The following ARHGAP26 variants were observed in gnomAD, a reference collection of about 807,000 sequenced individuals.
The protein encoded by ARHGAP26 is Rho GTPase activating protein 26.
Under a neutral mutation model 104.8 loss-of-function variants are expected in ARHGAP26, and 38 were observed. That is an observed-to-expected ratio of 0.36 (90% CI 0.28 to 0.48). The LOEUF (loss-of-function observed/expected upper bound fraction) is 0.48. Ranked by LOEUF, ARHGAP26 falls within the 20% of genes least tolerant of loss-of-function variation. The pLI is 0.99. For missense variants in ARHGAP26, 704 were observed against 947.9 expected, an observed-to-expected ratio of 0.74 and a Z score of 3.38; for synonymous variants, 341 against 340.0, an observed-to-expected ratio of 1.00 and a Z score of -0.03.
At chr5:143,132,851 G>C (rs1173273667) in intron 18 of ARHGAP26, among the ~76,000 whole-genome samples, 1 of 138,694 alleles carries the variant, frequency 7.2e-6, no homozygotes, top group African/African-American at 3.0e-5. Flanking sequence ...ATTTAAAAAG[G>C]AATCTGGGGT....
At chr5:142,985,345 TTAGTG>T (rs1314995350) in intron 11 of ARHGAP26, among the ~76,000 whole-genome samples, 1 of 152,158 alleles carries the variant, frequency 6.6e-6, no homozygotes, top group Non-Finnish European at 1.5e-5. Flanking sequence ...TTAAATAACT[TTAGTG>T]TAGCCTAAGT....
chr5:142,933,316 C>T (rs1764979386), intron 11 of ARHGAP26, among the ~76,000 whole-genome samples: 1 of 152,154 alleles, frequency 6.6e-6, no homozygotes. Flanking sequence ...CATCTCTTAA[C>T]CTGTTTATTT....
intron 20 of ARHGAP26, among the ~76,000 whole-genome samples, chr5:143,156,452 C>G (rs972083540): frequency 9.2e-5 from 14 of 152,306 alleles, no homozygotes; most frequent in African/African-American, 3.4e-4. Context: ...GTCCTGGGAC[C>G]AGCATCATTG....
rs1435973632 is a variant in ARHGAP26, at chr5:143,228,153, C to T, written c.*5707C>T. On this transcript the variant is annotated 3_prime_UTR_variant, in exon 23 of 23. Transcript: ENST00000645722. ...CATTTCTACAAAGTTGTCCAGACAC[C>T]TAAAAGCAGCTTTCTTGGTTATCCA... 1 of 225,834 alleles carries T rather than the reference C, an allele frequency of 4.4e-6. No homozygotes were observed. The highest frequency in any genetic ancestry group is 8.8e-6 in the Non-Finnish European group (1 of 113,550). The allele number at this position is 225,834 out of a possible 1,614,324, so 14.0% of individuals were successfully genotyped here.
intron 17 of ARHGAP26, among the ~76,000 whole-genome samples, chr5:143,101,812 G>A (rs774506291): frequency 1.3e-5 from 2 of 151,794 alleles, no homozygotes; most frequent in Non-Finnish European, 1.5e-5. Context: ...GACAAGATAG[G>A]GAGAGAAGCT....
intron 3 of ARHGAP26, among the ~76,000 whole-genome samples, chr5:142,876,143 C>T (rs1430694443): frequency 6.6e-6 from 1 of 152,158 alleles, no homozygotes; most frequent in Non-Finnish European, 1.5e-5. Context: ...GGAATGAAGT[C>T]CCCTGCTGAC....
chr5:142,858,061 C>CTGTGTGTGTGTGTG (rs746146391), intron 1 of ARHGAP26, among the ~76,000 whole-genome samples: 2,739 of 134,288 alleles, frequency 0.02, 35 homozygotes, highest in Admixed American at 0.037. Flanking sequence ...GAGAGAGAAT[C>CTGTGTGTGTGTGTG]TGTGTGTGTG....
At chr5:142,836,732 ATGT>A (rs1314559344) in intron 1 of ARHGAP26, among the ~76,000 whole-genome samples, 2 of 152,238 alleles carry the variant, frequency 1.3e-5, no homozygotes, top group African/African-American at 4.8e-5. Flanking sequence ...TTTATGGTTC[ATGT>A]TGTTATTGCC....
chr5:142,805,064 A>G (rs1173635083), intron 1 of ARHGAP26, among the ~76,000 whole-genome samples: 2 of 150,972 alleles, frequency 1.3e-5, no homozygotes, highest in East Asian at 1.9e-4. Context: ...TCATGTGGCT[A>G]TACCACATTT....
intron 1 of ARHGAP26, among the ~76,000 whole-genome samples, chr5:142,824,791 A>T (rs903755274): frequency 6.6e-6 from 1 of 152,220 alleles, no homozygotes. Context: ...AAGCCTTATT[A>T]ATGGGCAGGG....
rs1264296601 is a variant in ARHGAP26, at chr5:143,224,268, A to T, written c.*1822A>T. On this transcript the variant is annotated 3_prime_UTR_variant, in exon 23 of 23. Transcript: ENST00000645722. ...GGAGAGAGGGGAGGCAAAGCTGAAGAGAGTCAAGGTCACTGTCCCCGCTTC... is the reference window on the plus strand; with the variant it reads ...GGAGAGAGGGGAGGCAAAGCTGAAGTGAGTCAAGGTCACTGTCCCCGCTTC... 1.7e-5 allele frequency: 4 copies of T among 232,142 alleles called. No individual in the cohort carries two copies. Among genetic ancestry groups the T allele is most frequent in the Admixed American group, 1.1e-4 (2 of 17,726 alleles). 14.4% of individuals were successfully genotyped at this position (232,142 alleles called of 1,614,324 possible).
intron 7 of ARHGAP26, 46 bp from the exon 8 acceptor site, chr5:142,903,494 C>G: frequency 6.3e-7 from 1 of 1,594,508 alleles, no homozygotes; most frequent in Non-Finnish European, 8.6e-7. Flanking sequence ...ATTGTTAAAA[C>G]AGATACTTTG....
intron 1 of ARHGAP26, among the ~76,000 whole-genome samples, chr5:142,865,571 G>A (rs758788320): frequency 5.3e-5 from 8 of 150,366 alleles, no homozygotes; most frequent in African/African-American, 1.7e-4. Context: ...CAAGTTGAGA[G>A]GTGTTGCCTG....
chr5:143,005,542 A>G (rs1777825659), intron 11 of ARHGAP26, among the ~76,000 whole-genome samples: 1 of 152,232 alleles, frequency 6.6e-6, no homozygotes, highest in African/African-American at 2.4e-5. Context: ...TGGCTCCCCA[A>G]GGAAAATGAG....
At chr5:142,884,797 A>G (rs116678487) in intron 4 of ARHGAP26, among the ~76,000 whole-genome samples, 1 of 152,336 alleles carries the variant, frequency 6.6e-6, no homozygotes, top group African/African-American at 2.4e-5. Flanking sequence ...ATGTGATATT[A>G]AGTGTCAAGA....
At chr5:142,954,139 G>C in intron 11 of ARHGAP26, among the ~76,000 whole-genome samples, 1 of 152,210 alleles carries the variant, frequency 6.6e-6, no homozygotes, top group East Asian at 1.9e-4. Flanking sequence ...CCCAGACTTT[G>C]GGGGCTGTTG....
intron 12 of ARHGAP26, among the ~76,000 whole-genome samples, chr5:143,032,740 A>T (rs992423630): frequency 2.4e-4 from 37 of 152,236 alleles, no homozygotes; most frequent in Admixed American, 2.1e-3. Context: ...TACTTGGTCC[A>T]TGATAAATAA....
intron 20 of ARHGAP26, chr5:143,202,192 T>C (rs1807847510): frequency 6.6e-6 from 1 of 152,220 alleles, no homozygotes; most frequent in African/African-American, 2.4e-5. Context: ...CATTATTTAA[T>C]GCACTTCTTT....
rs752591382 is a variant in ARHGAP26, at chr5:142,890,151, AATATATATATATATATATATAT to A, written c.487-4062_487-4041del. On this transcript the variant is annotated intron_variant, in intron 5 of 22. Transcript: ENST00000645722. ...AACTCCGTCTTAAAAAAAAAAAAAA[AATATATATATATATATATATAT>A]ATATATATATATATATATATATATG... is the stretch of plus-strand genomic sequence containing the variant. Among the ~76,000 whole-genome samples the A allele has an allele frequency of 1.2e-3, 39 of 32,432 alleles. 2 individuals carry two copies. Among genetic ancestry groups the A allele is most frequent in the Admixed American group, 2.0e-3 (4 of 2,048 alleles). The allele number at this position is 32,432 out of a possible 152,430, so 21.3% of individuals were successfully genotyped here. A position where few individuals can be genotyped will look rare whatever the true frequency, so the allele number is the denominator to read the frequency against.
Sources: allele counts gnomAD v4.1 joint callset (sites outside exome capture counted in the v4.1 genomes callset), GRCh38; gene constraint gnomAD v4.1.1; transcripts MANE v1.5; gene names NCBI Gene and HGNC (gene_info 2026-07-23, HGNC 2026-07-21).